Variants in CNOT2 observed in about 807,000 individuals in gnomAD.
CNOT2 encodes the protein CCR4-NOT transcription complex subunit 2.
Under a neutral mutation model 72.1 loss-of-function variants are expected in CNOT2, and 7 were observed. That is an observed-to-expected ratio of 0.10 (90% CI 0.06 to 0.18). The LOEUF (loss-of-function observed/expected upper bound fraction) is 0.18, where lower values mean the gene tolerates loss of function less well. CNOT2 is among the 10% of genes least tolerant of loss of function. The probability of loss-of-function intolerance (pLI) is 1.00; values close to 1 mark genes in which losing one functional copy is unlikely to be tolerated. For synonymous variants in CNOT2, 196 were observed against 225.6 expected (o/e 0.87, Z 1.17); for missense variants, 345 against 660.3 (o/e 0.52, Z 5.23).
intron 2 of CNOT2, among the ~76,000 whole-genome samples, chr12:70,303,025 A>C (rs1874391119): frequency 6.6e-6 from 1 of 152,132 alleles, no homozygotes; most frequent in African/African-American, 2.4e-5. Flanking sequence ...TTTATCAGAG[A>C]CTAGGATTGC....
intron 1 of CNOT2, among the ~76,000 whole-genome samples, chr12:70,257,030 T>G (rs1439451077): frequency 2.0e-5 from 3 of 149,898 alleles, no homozygotes; most frequent in Non-Finnish European, 4.5e-5. Context: ...GATTGAACAT[T>G]TTATTTTTTT....
intron 2 of CNOT2, among the ~76,000 whole-genome samples, chr12:70,292,220 CT>C (rs1439279492): frequency 3.9e-5 from 6 of 152,148 alleles, no homozygotes; most frequent in Non-Finnish European, 5.9e-5. Context: ...TACATCAGCT[CT>C]GTGGTGATGT....
At chr12:70,283,577 G>A (rs1870278604) in intron 2 of CNOT2, among the ~76,000 whole-genome samples, 1 of 147,760 alleles carries the variant, frequency 6.8e-6, no homozygotes, top group South Asian at 2.2e-4. Context: ...GAAAAATTGA[G>A]TTTGTAGTTA....
intron 2 of CNOT2, chr12:70,294,035 C>A: frequency 9.8e-7 from 1 of 1,024,998 alleles, no homozygotes; most frequent in Non-Finnish European, 1.3e-6. Context: ...ACTGGACATT[C>A]AGATCTTTAT....
chr12:70,254,475 C>T (rs759905491), intron 1 of CNOT2, among the ~76,000 whole-genome samples: 14 of 151,980 alleles, frequency 9.2e-5, no homozygotes, highest in Non-Finnish European at 1.6e-4. Context: ...CAATTTAAAA[C>T]GTATGAATTA....
chr12:70,278,203 A>G lies in CNOT2; in HGVS notation c.-24A>G. 1 of 1,590,114 alleles carries G rather than the reference A, an allele frequency of 6.3e-7. No homozygotes were observed. Among genetic ancestry groups the G allele is most frequent in the Non-Finnish European group, 8.6e-7 (1 of 1,158,904 alleles). ...ACAGTTCTATTTGATTGCCTCCGGT[A>G]CTGTGAGGAAAGGACACGACTCTAT... On this transcript the variant is annotated 5_prime_UTR_variant, in exon 2 of 16. Coordinates refer to ENST00000229195, the MANE Select transcript of CNOT2 (RefSeq NM_014515.7).
intron 3 of CNOT2, 81 bp from the exon 4 acceptor site, chr12:70,319,217 A>G (rs1448834790): frequency 1.8e-6 from 2 of 1,112,466 alleles, no homozygotes; most frequent in African/African-American, 1.6e-5. Context: ...CATTTATGGT[A>G]TGATTTACAG....
intron 1 of CNOT2, among the ~76,000 whole-genome samples, chr12:70,271,256 C>G (rs746201546): frequency 3.9e-5 from 6 of 152,002 alleles, no homozygotes; most frequent in Non-Finnish European, 7.4e-5. Flanking sequence ...TTCCTAGAAT[C>G]CTACCATCAG....
At position 70,354,140 on chromosome 12, in the gene CNOT2, C is replaced by A; in HGVS notation, c.*225C>A. On this transcript the variant is annotated 3_prime_UTR_variant, in exon 16 of 16. Coordinates refer to ENST00000229195, the MANE Select transcript of CNOT2 (RefSeq NM_014515.7). ...GTAATTTGTTTTTCTCTAGTTTGAGCAGGGTCTGAATTTTTTCATTTATTT... is the reference window on the plus strand; with the variant it reads ...GTAATTTGTTTTTCTCTAGTTTGAGAAGGGTCTGAATTTTTTCATTTATTT... 1.2e-6 allele frequency: 1 copy of A among 824,858 alleles called. No homozygotes were observed. Among genetic ancestry groups the A allele is most frequent in the Non-Finnish European group, 1.7e-6 (1 of 602,092 alleles). The allele number at this position is 824,858 out of a possible 1,614,324, so 51.1% of individuals were successfully genotyped here. A position where few individuals can be genotyped will look rare whatever the true frequency, so the allele number is the denominator to read the frequency against.
intron 1 of CNOT2, among the ~76,000 whole-genome samples, chr12:70,246,856 G>T (rs1007433001): frequency 1.3e-5 from 2 of 152,110 alleles, no homozygotes; most frequent in Non-Finnish European, 2.9e-5. Context: ...TTTGTACTGT[G>T]TTTTCTGAGA....
intron 8 of CNOT2, chr12:70,335,829 G>A (rs1002234847): frequency 7.9e-6 from 2 of 253,660 alleles, no homozygotes; most frequent in African/African-American, 4.5e-5. Context: ...ATTTTCTTCT[G>A]TTATCCCTGC....
At chr12:70,308,254 C>T (rs557244939) in intron 2 of CNOT2, among the ~76,000 whole-genome samples, 11 of 152,118 alleles carry the variant, frequency 7.2e-5, no homozygotes, top group Non-Finnish European at 1.6e-4. Flanking sequence ...AGGACGGGCA[C>T]TTTAAAATTA....
intron 4 of CNOT2, among the ~76,000 whole-genome samples, chr12:70,324,788 C>T (rs1470214938): frequency 1.3e-5 from 2 of 151,860 alleles, no homozygotes; most frequent in African/African-American, 2.4e-5. Context: ...CCTGTTCCTC[C>T]GCCAGGTGTA....
Position 70,353,974 on chromosome 12 carries a change from CA to C in CNOT2, c.*61del. 1.3e-6 allele frequency: 2 copies of C among 1,514,434 alleles called. No individual in the cohort carries two copies. The highest frequency in any genetic ancestry group is 1.8e-6 in the Non-Finnish European group (2 of 1,135,416). 93.8% of individuals were successfully genotyped at this position (1,514,434 alleles called of 1,614,324 possible). A position where few individuals can be genotyped will look rare whatever the true frequency, so the allele number is the denominator to read the frequency against. On this transcript the variant is annotated 3_prime_UTR_variant, in exon 16 of 16. Coordinates refer to ENST00000229195, the MANE Select transcript of CNOT2 (RefSeq NM_014515.7). ...TTCTTGGGGTATGGCTGTCTCAGCA[CA>C]ATACTCAACATAACTGCAGAACTGA... is the stretch of plus-strand genomic sequence containing the variant.
rs79150850 is a variant in CNOT2, at chr12:70,352,623, A to C, written c.1537-1206A>C. Among the ~76,000 whole-genome samples the C allele has an allele frequency of 3.4e-4, 52 of 152,348 alleles. 1 individual carries two copies. Among genetic ancestry groups the C allele is most frequent in the South Asian group, 1.2e-3 (6 of 4,822 alleles). On this transcript the variant is annotated intron_variant, in intron 15 of 15. Coordinates refer to ENST00000229195, the MANE Select transcript of CNOT2 (RefSeq NM_014515.7). ...CACTTGTTGCCTTAATCTTTAATACATAATACATATTAAGCTTCATAATTC... is the reference window on the plus strand; with the variant it reads ...CACTTGTTGCCTTAATCTTTAATACCTAATACATATTAAGCTTCATAATTC...
chr12:70,310,624 G>C (rs1876284269), intron 2 of CNOT2, among the ~76,000 whole-genome samples: 2 of 152,170 alleles, frequency 1.3e-5, no homozygotes, highest in African/African-American at 4.8e-5. Flanking sequence ...CATTTTTGAA[G>C]AGTAAGGTAT....
chr12:70,294,325 A>G lies in CNOT2; in HGVS notation c.48+16051A>G, dbSNP rs761710222. The stretch of plus-strand genomic sequence containing the variant: ...TATGTGGTGGGGAAAGCCGGGGGAA[A>G]AATGGTACTGTCATCAGTATTTTGA... On this transcript the variant is annotated intron_variant, in intron 2 of 15. Transcript: ENST00000229195. 6.9e-5 allele frequency: 89 copies of G among 1,282,392 alleles called. No homozygotes were observed. The Admixed American group carries it at 1.7e-3, about 25-fold the overall frequency. The allele number at this position is 1,282,392 out of a possible 1,614,324, so 79.4% of individuals were successfully genotyped here.
chr12:70,273,131 A>G (rs1276851678), intron 1 of CNOT2, among the ~76,000 whole-genome samples: 4 of 152,044 alleles, frequency 2.6e-5, no homozygotes, highest in Non-Finnish European at 4.4e-5. Flanking sequence ...TTTTTCAGCT[A>G]TTACCATTTT....
intron 4 of CNOT2, chr12:70,323,615 G>A (rs1019341432): frequency 6.6e-6 from 1 of 151,716 alleles, no homozygotes; most frequent in Non-Finnish European, 1.5e-5. Flanking sequence ...TTAGCAGTGG[G>A]AATAACATCC....
Sources: allele counts gnomAD v4.1 joint callset (sites outside exome capture counted in the v4.1 genomes callset), GRCh38; gene constraint gnomAD v4.1.1; transcripts MANE v1.5; gene names NCBI Gene and HGNC (gene_info 2026-07-23, HGNC 2026-07-21).